Variants in EMILIN2 observed in about 807,000 individuals in gnomAD.
EMILIN2 encodes the protein EMILIN-2.
Under a neutral mutation model 87.1 loss-of-function variants are expected in EMILIN2, and 71 were observed. The observed-to-expected ratio is 0.82, with a 90% CI of 0.67 to 0.99. EMILIN2 has a LOEUF of 0.99. Among genes scored for constraint, EMILIN2 ranks in the 50% least tolerant of loss-of-function variants. The pLI, the probability that EMILIN2 is intolerant of heterozygous loss-of-function variation, is 0.00. For missense variants in EMILIN2, 1,407 were observed against 1,371.8 expected (o/e 1.03, Z -0.40); for synonymous variants, 581 against 563.4 (o/e 1.03, Z -0.44).
In EMILIN2 at chr18:2,894,970, A is replaced by AT. The variant is rs1288451206; in HGVS notation, c.2359+2487dup. On this transcript the variant is annotated intron_variant, in intron 4 of 7. Transcript: ENST00000254528. The surrounding 1 kb of genome is among the most constrained non-coding windows in gnomAD (Gnocchi z 5.0). ...GTAGGCATAATCCTTATTCTAAAGC[A>AT]TTTGCAATCACAGTGGGAAAGAGAC... Among the ~76,000 whole-genome samples, 3 of 152,274 alleles carry AT rather than the reference A, an allele frequency of 2.0e-5. 1 individual carries two copies. The highest frequency in any genetic ancestry group is 2.1e-4 in the South Asian group (1 of 4,824).
chr18:2,910,147 C>G (rs1056268585), intron 7 of EMILIN2, among the ~76,000 whole-genome samples: 9 of 151,350 alleles, frequency 5.9e-5, no homozygotes, highest in African/African-American at 2.2e-4. Context: ...GCCCGCCATG[C>G]CCTGGCCACC....
chr18:2,896,729 C>A (rs1272608526), intron 4 of EMILIN2, among the ~76,000 whole-genome samples: 1 of 151,460 alleles, frequency 6.6e-6, no homozygotes. Context: ...TCCAGTGATT[C>A]GCCTGCCTCA....
intron 3 of EMILIN2, among the ~76,000 whole-genome samples, chr18:2,889,692 C>CTTTTTTTTTTTTTTTTTTTTT (rs34248672): frequency 6.2e-5 from 6 of 96,648 alleles, no homozygotes; most frequent in Admixed American, 1.3e-4. Flanking sequence ...TTTTTCTTTT[C>CTTTTTTTTTTTTTTTTTTTTT]TTTTTTTTTT....
intron 2 of EMILIN2, among the ~76,000 whole-genome samples, chr18:2,866,448 T>C (rs185962152): frequency 2.3e-4 from 35 of 152,360 alleles, no homozygotes; most frequent in Non-Finnish European, 1.9e-4. Flanking sequence ...GTATCTATTG[T>C]AAAAGGGGTT....
chr18:2,906,687 C>T (rs2076914170), intron 4 of EMILIN2, 96 bp from the exon 5 acceptor site: 2 of 1,017,976 alleles, frequency 2.0e-6, no homozygotes, highest in South Asian at 4.8e-5. Context: ...CTCACGGGGA[C>T]CCCGCTCGCC....
At chr18:2,899,838 C>T (rs749891355) in intron 4 of EMILIN2, among the ~76,000 whole-genome samples, 1 of 152,212 alleles carries the variant, frequency 6.6e-6, no homozygotes, top group Non-Finnish European at 1.5e-5. Flanking sequence ...TTTAAAAATT[C>T]CAAGAGCTGC....
chr18:2,852,226 C>T (rs191872311), intron 2 of EMILIN2, among the ~76,000 whole-genome samples: 33 of 152,306 alleles, frequency 2.2e-4, no homozygotes, highest in Admixed American at 3.3e-4. Context: ...TTGCCTATGA[C>T]GCATGAACTA....
chr18:2,892,515 T>C (rs776501273), intron 4 of EMILIN2, 29 bp downstream of exon 4: 12 of 1,544,098 alleles, frequency 7.8e-6, no homozygotes, highest in Non-Finnish European at 8.7e-6. Context: ...TTCTATTTCT[T>C]GTATTTCTTT....
intron 3 of EMILIN2, among the ~76,000 whole-genome samples, chr18:2,888,393 A>G (rs1490640018): frequency 1.3e-5 from 2 of 152,032 alleles, no homozygotes; most frequent in African/African-American, 4.8e-5. Flanking sequence ...CACATGATTC[A>G]GTAACTTGTT....
At chr18:2,889,133 CTT>C (rs772439545) in intron 3 of EMILIN2, among the ~76,000 whole-genome samples, 2,401 of 83,962 alleles carry the variant, frequency 0.029, 16 homozygotes, top group African/African-American at 0.094. Flanking sequence ...TCTTTCTTTT[CTT>C]TTTTTTTTTT....
chr18:2,906,964 G>A lies in EMILIN2; in HGVS notation c.2541G>A (p.Glu847=). The A allele has an allele frequency of 7.1e-7, 1 of 1,404,022 alleles. No homozygotes were observed. Among genetic ancestry groups the A allele is most frequent in the Non-Finnish European group, 9.3e-7 (1 of 1,077,556 alleles). 87.0% of individuals were successfully genotyped at this position (1,404,022 alleles called of 1,614,324 possible). ...QPPGSTGVIA[E]TGQAGPPAGA... ...CAGGCTCCACCGGGGTCATCGCGGAGACGGGCCAGGCCGGGCCCCCCGCAG... is the reference window on the plus strand; with the variant it reads ...CAGGCTCCACCGGGGTCATCGCGGAAACGGGCCAGGCCGGGCCCCCCGCAG... The change falls in exon 5 of 8, where the codon GAG becomes GAA. Residue 847 remains glutamate, a synonymous_variant. Coordinates refer to ENST00000254528, the MANE Select transcript of EMILIN2 (RefSeq NM_032048.3).
At chr18:2,846,547 T>C (rs1217967922), upstream of EMILIN2, among the ~76,000 whole-genome samples, 1 of 152,158 alleles carries the variant, frequency 6.6e-6, no homozygotes, top group African/African-American at 2.4e-5. This position sits in a 1 kb window ranked among gnomAD's most constrained non-coding sequence, Gnocchi z 5.3. Context: ...ACTCTCTAGG[T>C]CCATGGAGCT....
intron 2 of EMILIN2, among the ~76,000 whole-genome samples, chr18:2,870,670 C>CT (rs2076714857): frequency 2.0e-5 from 3 of 152,196 alleles, no homozygotes; most frequent in Admixed American, 2.0e-4. Flanking sequence ...CGTCTTATGG[C>CT]TTTGAAGGAA....
intron 2 of EMILIN2, among the ~76,000 whole-genome samples, chr18:2,858,835 C>T (rs934294643): frequency 1.3e-4 from 19 of 151,130 alleles, no homozygotes; most frequent in African/African-American, 4.6e-4. Flanking sequence ...GGGGTTTCAC[C>T]ATGTTGGCCA....
intron 2 of EMILIN2, among the ~76,000 whole-genome samples, chr18:2,856,332 CAG>C (rs2076627206): frequency 6.6e-6 from 1 of 152,182 alleles, no homozygotes; most frequent in Non-Finnish European, 1.5e-5. Context: ...TGGTCAAAGT[CAG>C]TGCTGAAGTA....
rs1302552835 is a variant in EMILIN2 at position 2,848,814 on chromosome 18, A to G, written c.257+883A>G. On this transcript the variant is annotated intron_variant, in intron 2 of 7. Coordinates refer to ENST00000254528, the MANE Select transcript of EMILIN2 (RefSeq NM_032048.3). This position sits in a 1 kb window ranked among gnomAD's most constrained non-coding sequence, Gnocchi z 4.1. Reference sequence around the variant, plus strand: ...TTGTTTGTCTTAGAGCACAGTTGTCATTACAGCAGAGAATAGTCAGTAGGC... The same window carrying G: ...TTGTTTGTCTTAGAGCACAGTTGTCGTTACAGCAGAGAATAGTCAGTAGGC... Among the ~76,000 whole-genome samples the G allele has an allele frequency of 6.6e-6, 1 of 152,196 alleles. No homozygotes were observed. Among genetic ancestry groups the G allele is most frequent in the Non-Finnish European group, 1.5e-5 (1 of 68,040 alleles).
intron 2 of EMILIN2, among the ~76,000 whole-genome samples, chr18:2,858,052 C>G (rs2076636893): frequency 1.3e-5 from 2 of 151,804 alleles, no homozygotes; most frequent in South Asian, 2.1e-4. Flanking sequence ...CGCTGTATCT[C>G]GTGTCTGGAA....
At chr18:2,893,195 G>C (rs1336716092) in intron 4 of EMILIN2, among the ~76,000 whole-genome samples, 3 of 152,192 alleles carry the variant, frequency 2.0e-5, no homozygotes, top group Non-Finnish European at 4.4e-5. Flanking sequence ...TGTAGAATCA[G>C]GCTGGTGAGC....
chr18:2,899,895 G>A (rs891853954), intron 4 of EMILIN2, among the ~76,000 whole-genome samples: 1 of 152,244 alleles, frequency 6.6e-6, no homozygotes, highest in Admixed American at 6.5e-5. Flanking sequence ...TTCTGTGATA[G>A]CAAATTACTT....
Sources: gnomAD v4.1 joint callset for allele counts (sites outside exome capture counted in the v4.1 genomes callset) on GRCh38, gnomAD v4.1.1 for gene constraint, Gnocchi (gnomAD v3.1) non-coding constraint, MANE v1.5 for transcripts, NCBI Gene and HGNC (gene_info 2026-07-23, HGNC 2026-07-21) for gene names.